Variants in SH2D2A observed in about 807,000 individuals in gnomAD.
The protein encoded by SH2D2A is SH2 domain-containing protein 2A.
A neutral mutation model predicts 43.6 loss-of-function variants in SH2D2A; 33 were observed. The ratio of observed to expected loss-of-function variants is 0.76; its 90% CI spans 0.57 to 1.01. The LOEUF is 1.01. Among genes scored for constraint, SH2D2A ranks in the 50% least tolerant of loss-of-function variants. The pLI, the probability that SH2D2A is intolerant of heterozygous loss-of-function variation, is 0.00. For missense variants in SH2D2A, 491 were observed against 503.1 expected (o/e 0.98, Z 0.23); for synonymous variants, 212 against 206.1 (o/e 1.03, Z -0.25).
At chr1:156,808,419 T>A (rs930802478) in intron 7 of SH2D2A, among the ~76,000 whole-genome samples, 1 of 151,936 alleles carries the variant, frequency 6.6e-6, no homozygotes, top group Middle Eastern at 3.2e-3. Context: ...GGAAAAAAGT[T>A]TGGACGGAGA....
At chr1:156,814,170 C>T (rs1227360180) in intron 4 of SH2D2A, 35 bp downstream of exon 4, 2 of 1,612,046 alleles carry the variant, frequency 1.2e-6, no homozygotes, top group South Asian at 2.2e-5. Flanking sequence ...CCGAGCCCCG[C>T]CTTGTGTCGC....
intron 2 of SH2D2A, 179 bp from the exon 3 acceptor site, chr1:156,815,400 G>A: frequency 1.7e-6 from 1 of 586,206 alleles, no homozygotes; most frequent in Non-Finnish European, 3.0e-6. Flanking sequence ...AGCTCCAGCT[G>A]TTCTGGCTTC....
In SH2D2A at chr1:156,815,824, C is replaced by T. The variant is rs1653852223; in HGVS notation, c.123+182G>A. 3.1e-6 allele frequency: 5 copies of T among 1,614,108 alleles called. 1 individual carries two copies. Among genetic ancestry groups the T allele is most frequent in the South Asian group, 2.2e-5 (2 of 91,078 alleles). On this transcript the variant is annotated intron_variant, in intron 2 of 8. Transcript: ENST00000368199. ...GCAGTAAGGGAGTGAGTGGGCAACTCGGCGCATGAAGGAGGTACTCCTCAT... is the reference window on the plus strand; with the variant it reads ...GCAGTAAGGGAGTGAGTGGGCAACTTGGCGCATGAAGGAGGTACTCCTCAT...
chr1:156,808,721 T>C (rs781315278), intron 7 of SH2D2A, among the ~76,000 whole-genome samples: 2 of 152,018 alleles, frequency 1.3e-5, no homozygotes, highest in African/African-American at 2.4e-5. Flanking sequence ...AGAAGCAGGC[T>C]GGGAGAGCAG....
In SH2D2A at chr1:156,809,578, C is replaced by T; in HGVS notation, c.714+83G>A. Reference sequence around the variant, plus strand: ...TAACTCCCAGCCTGAGCCTCTGCCCCCGCTAGGCCCCTCCTCCTCCCCGCT... The same window carrying T: ...TAACTCCCAGCCTGAGCCTCTGCCCTCGCTAGGCCCCTCCTCCTCCCCGCT... On this transcript the variant is annotated intron_variant, in intron 6 of 8. Coordinates refer to ENST00000368199, the MANE Select transcript of SH2D2A (RefSeq NM_003975.4). This position sits in a 1 kb window ranked among gnomAD's most constrained non-coding sequence, Gnocchi z 4.8. The T allele has an allele frequency of 6.4e-7, 1 of 1,552,590 alleles. No homozygotes were observed. Among genetic ancestry groups the T allele is most frequent in the Admixed American group, 1.9e-5 (1 of 51,798 alleles).
chr1:156,816,672 TA>T lies in SH2D2A; in HGVS notation c.34+2del, dbSNP rs778344880. The T allele has an allele frequency of 3.7e-6, 6 of 1,601,234 alleles. No homozygotes were observed. In the African/African-American group the frequency reaches 8.1e-5, roughly 22 times the overall value. ...CACCCATATCCTTCAACTTCACACT[TA>T]CCTTGGGGACATATCTGGGCCAGGG... On this transcript the variant is annotated splice_donor_variant, in intron 1 of 8. Transcript: ENST00000368199. LOFTEE classifies it high-confidence loss of function.
chr1:156,813,861 G>A lies in SH2D2A; in HGVS notation c.554C>T (p.Pro185Leu). 1 of 1,499,418 alleles carries A rather than the reference G, an allele frequency of 6.7e-7. No homozygotes were observed. Among genetic ancestry groups the A allele is most frequent in the East Asian group, 2.4e-5 (1 of 41,200 alleles). 92.9% of individuals were successfully genotyped at this position (1,499,418 alleles called of 1,614,324 possible). ...LSPYGETLTE[P>L]LARQTPEPAG... ...TGGGGCGCGTACCTGTCGGGCGAGG[G>A]GCTCGGTGAGCGTCTCCCCGTAGGG... is the stretch of plus-strand genomic sequence containing the variant. Residue 185 changes from proline to leucine, a missense_variant, in exon 5 of 9, where the codon CCC becomes CTC. Transcript: ENST00000368199.
At position 156,813,878 on chromosome 1, in the gene SH2D2A, C is replaced by A; in HGVS notation, c.537G>T (p.Gly179=). 1 of 1,525,958 alleles carries A rather than the reference C, an allele frequency of 6.6e-7. No individual in the cohort carries two copies. Among genetic ancestry groups the A allele is most frequent in the Non-Finnish European group, 8.8e-7 (1 of 1,138,052 alleles). 94.5% of individuals were successfully genotyped at this position (1,525,958 alleles called of 1,614,324 possible). A position where few individuals can be genotyped will look rare whatever the true frequency, so the allele number is the denominator to read the frequency against. Reference sequence around the variant, plus strand: ...GGGCGAGGGGCTCGGTGAGCGTCTCCCCGTAGGGGCTGAGCGGGTGCGCGG... The same window carrying A: ...GGGCGAGGGGCTCGGTGAGCGTCTCACCGTAGGGGCTGAGCGGGTGCGCGG... The part of the protein sequence containing the change: ...HYTAHPLSPY[G]ETLTEPLARQ... Residue 179 remains glycine, a synonymous_variant, in exon 5 of 9, where the codon GGG becomes GGT. Coordinates refer to ENST00000368199, the MANE Select transcript of SH2D2A (RefSeq NM_003975.4).
intron 3 of SH2D2A, 102 bp downstream of exon 3, chr1:156,814,935 T>C: frequency 9.3e-7 from 1 of 1,078,580 alleles, no homozygotes; most frequent in Non-Finnish European, 1.3e-6. Flanking sequence ...TACTCCAGAC[T>C]GGTAGAAGTG....
chr1:156,816,353 C>T (rs145814917), intron 1 of SH2D2A, among the ~76,000 whole-genome samples: 174 of 152,298 alleles, frequency 1.1e-3, no homozygotes, highest in South Asian at 3.1e-3. Context: ...GGCTGGCCTT[C>T]GGATGGTCAG....
chr1:156,814,431 G>A (rs1287115544), intron 3 of SH2D2A, 137 bp from the exon 4 acceptor site: 19 of 1,448,682 alleles, frequency 1.3e-5, no homozygotes, highest in Non-Finnish European at 1.6e-5. Context: ...GGGCGGAGAT[G>A]GGGAGAGAGA....
At chr1:156,815,848 A>G in intron 2 of SH2D2A, 158 bp downstream of exon 2, 3 of 1,614,092 alleles carry the variant, frequency 1.9e-6, no homozygotes, top group Non-Finnish European at 2.5e-6. Context: ...GGTACTCCTC[A>G]TTTTCGTTCT....
At chr1:156,816,622 G>T in intron 1 of SH2D2A, 53 bp downstream of exon 1, 1 of 1,572,896 alleles carries the variant, frequency 6.4e-7, no homozygotes, top group Non-Finnish European at 8.7e-7. Flanking sequence ...GAGGGCAGGG[G>T]GATGGGGGTC....
Position 156,816,740 on chromosome 1 carries a change from GGT to G in SH2D2A, c.-34_-33del, listed in dbSNP as rs1653979729. ...AGCCTCACAAGGGATCCCAGAGCAG[GGT>G]GTGTGTATGTGTTCCGGAAAGGTGT... On this transcript the variant is annotated 5_prime_UTR_variant, in exon 1 of 9. Coordinates refer to ENST00000368199, the MANE Select transcript of SH2D2A (RefSeq NM_003975.4). The G allele has an allele frequency of 1.3e-6, 2 of 1,580,226 alleles. No individual in the cohort carries two copies. The highest frequency in any genetic ancestry group is 1.8e-5 in the Admixed American group (1 of 56,174).
chr1:156,809,838 CG>C lies in SH2D2A; in HGVS notation c.568-32del. The C allele has an allele frequency of 6.2e-7, 1 of 1,610,016 alleles. No homozygotes were observed. Among genetic ancestry groups the C allele is most frequent in the South Asian group, 1.1e-5 (1 of 90,744 alleles). The stretch of plus-strand genomic sequence containing the variant: ...GGGAAAGAAGGAGGTCTGAGGCACT[CG>C]GTGGAGCGTTGGGGTGGGGGAGGTG... On this transcript the variant is annotated intron_variant, in intron 5 of 8. Coordinates refer to ENST00000368199, the MANE Select transcript of SH2D2A (RefSeq NM_003975.4). The surrounding 1 kb of genome is among the most constrained non-coding windows in gnomAD (Gnocchi z 4.8).
rs776411099 is a variant in SH2D2A at position 156,809,848 on chromosome 1, T to C, written c.568-41A>G. On this transcript the variant is annotated intron_variant, in intron 5 of 8. Coordinates refer to ENST00000368199, the MANE Select transcript of SH2D2A (RefSeq NM_003975.4). This position sits in a 1 kb window ranked among gnomAD's most constrained non-coding sequence, Gnocchi z 4.8. ...GAGGTCTGAGGCACTCGGTGGAGCG[T>C]TGGGGTGGGGGAGGTGATCAGGAGG... is the stretch of plus-strand genomic sequence containing the variant. The C allele has an allele frequency of 3.1e-5, 50 of 1,607,692 alleles. No homozygotes were observed. The Middle Eastern group carries it at 5.0e-4, about 16-fold the overall frequency.
At chr1:156,814,704 G>C in intron 3 of SH2D2A, 1 of 398,186 alleles carries the variant, frequency 2.5e-6, no homozygotes, top group South Asian at 6.6e-5. Context: ...GAAGAAGAGA[G>C]GGCTGGGAGA....
intron 5 of SH2D2A, among the ~76,000 whole-genome samples, chr1:156,811,121 A>G (rs917675489): frequency 8.6e-5 from 13 of 151,902 alleles, no homozygotes; most frequent in Non-Finnish European, 1.8e-4. Context: ...AAAAAGTAGC[A>G]CCTCCACCCT....
chr1:156,810,162 A>G (rs1653313349), intron 5 of SH2D2A, among the ~76,000 whole-genome samples: 1 of 152,116 alleles, frequency 6.6e-6, no homozygotes, highest in Admixed American at 6.5e-5. Context: ...CAGCCTCCCA[A>G]GTAGCTGGGA....
Sources: gnomAD v4.1 joint callset for allele counts (sites outside exome capture counted in the v4.1 genomes callset) on GRCh38, gnomAD v4.1.1 for gene constraint, Gnocchi (gnomAD v3.1) non-coding constraint, MANE v1.5 for transcripts, NCBI Gene and HGNC (gene_info 2026-07-23, HGNC 2026-07-21) for gene names.